ADGRB1: variants seen among roughly 807,000 people sequenced by gnomAD.
The protein encoded by ADGRB1 is brain-specific angiogenesis inhibitor 1.
In ADGRB1, 36 loss-of-function variants were observed where a neutral mutation model predicts 175.7. The observed-to-expected ratio is 0.20, with a 90% CI of 0.16 to 0.27. The LOEUF is 0.27. Ranked by LOEUF, ADGRB1 falls within the 10% of genes least tolerant of loss-of-function variation. ADGRB1 has a pLI of 1.00. For synonymous variants in ADGRB1, 1,054 were observed against 979.4 expected (o/e 1.08, Z -1.42); for missense variants, 1,731 against 2,255.3 (o/e 0.77, Z 4.71).
chr8:142,482,851 C>T (rs1841435594), intron 11 of ADGRB1, among the ~76,000 whole-genome samples: 1 of 150,956 alleles, frequency 6.6e-6, no homozygotes, highest in Non-Finnish European at 1.5e-5. Flanking sequence ...CCTGGTCACG[C>T]ACTGAGCCCC....
At chr8:142,506,019 G>A (rs988411526) in intron 17 of ADGRB1, among the ~76,000 whole-genome samples, 7 of 152,360 alleles carry the variant, frequency 4.6e-5, no homozygotes, top group Non-Finnish European at 1.0e-4. Context: ...CCCTACCTTA[G>A]TGGCGCCTGT....
At chr8:142,534,587 G>A (rs374444759) in intron 25 of ADGRB1, among the ~76,000 whole-genome samples, 2 of 152,218 alleles carry the variant, frequency 1.3e-5, no homozygotes. Flanking sequence ...AAGAGCCAGA[G>A]TTCTGATGTC....
chr8:142,533,395 A>G lies in ADGRB1; in HGVS notation c.3499A>G (p.Ile1167Val). 3 of 1,612,366 alleles carry G rather than the reference A, an allele frequency of 1.9e-6. No homozygotes were observed. Among genetic ancestry groups the G allele is most frequent in the Non-Finnish European group, 2.5e-6 (3 of 1,179,476 alleles). ...VTDRRSALFQ[I>V]LFAVFDSLEG... ...CGACCGCCGCTCCGCCCTCTTCCAG[A>G]TCCTCTTCGCTGTCTTCGACTCGCT... Residue 1167 changes from isoleucine to valine, a missense_variant, in exon 25 of 31, where the codon ATC becomes GTC. By Grantham distance (29) the Ile-to-Val change is conservative. Around this residue, in one of 8 missense-constraint regions of ADGRB1, gnomAD observed 301 missense variants for 488.4 expected, o/e 0.62. Transcript: ENST00000517894.
chr8:142,512,995 T>C (rs917423230), intron 18 of ADGRB1, among the ~76,000 whole-genome samples: 7 of 151,772 alleles, frequency 4.6e-5, no homozygotes, highest in Non-Finnish European at 7.4e-5. Context: ...GGCAGCCAGA[T>C]ACACAGTCCT....
At position 142,542,112 on chromosome 8, in the gene ADGRB1, G is replaced by A. The variant is rs772971707; in HGVS notation, c.3878G>A (p.Arg1293His). The change falls in exon 28 of 31, where the codon CGC (arginine) becomes CAC (histidine). Residue 1293 changes from arginine (R) to histidine (H), a missense_variant. Transcript: ENST00000517894. This position sits in a 1 kb window ranked among gnomAD's most constrained non-coding sequence, Gnocchi z 6.3. ...AAGCTGCACCTGCACGGCTCACCCCGCTATCCCGGCGGGCCCCTGCCCGAC... is the reference window on the plus strand; with the variant it reads ...AAGCTGCACCTGCACGGCTCACCCCACTATCCCGGCGGGCCCCTGCCCGAC... Reference protein sequence around the residue: ...VSKLHLHGSPRYPGGPLPDFP... With the variant: ...VSKLHLHGSPHYPGGPLPDFP... 43 of 1,613,390 alleles carry A rather than the reference G, an allele frequency of 2.7e-5. No homozygotes were observed. The East Asian group carries it at 3.3e-4, about 13-fold the overall frequency.
In ADGRB1 at chr8:142,488,516, C is replaced by T; in HGVS notation, c.2452+9C>T. 1.2e-6 allele frequency: 2 copies of T among 1,610,956 alleles called. No homozygotes were observed. The highest frequency in any genetic ancestry group is 1.7e-6 in the Non-Finnish European group (2 of 1,178,604). On this transcript the variant is annotated intron_variant, in intron 14 of 30. Coordinates refer to ENST00000517894, the MANE Select transcript of ADGRB1 (RefSeq NM_001702.3). ...CTCCACGGGGCTGACAGGTGAGGGG[C>T]CCAGGGAGTGGAGGGGGACCTTCAT...
At position 142,533,379 on chromosome 8, in the gene ADGRB1, C is replaced by T. The variant is rs1844738071; in HGVS notation, c.3483C>T (p.Arg1161=). 1 of 1,610,534 alleles carries T rather than the reference C, an allele frequency of 6.2e-7. No individual in the cohort carries two copies. Among genetic ancestry groups the T allele is most frequent in the African/African-American group, 1.3e-5 (1 of 74,912 alleles). The part of the protein sequence containing the change: ...MSAVLAVTDR[R]SALFQILFAV... ...CTGTGCTCGCCGTCACCGACCGCCG[C>T]TCCGCCCTCTTCCAGATCCTCTTCG... is the stretch of plus-strand genomic sequence containing the variant. Residue 1161 remains arginine (R), a synonymous_variant, in exon 25 of 31, where the codon CGC becomes CGT. Coordinates refer to ENST00000517894, the MANE Select transcript of ADGRB1 (RefSeq NM_001702.3).
chr8:142,479,420 C>A lies in ADGRB1; in HGVS notation c.1659C>A (p.Phe553Leu). 6.5e-7 allele frequency: 1 copy of A among 1,548,846 alleles called. No homozygotes were observed. Among genetic ancestry groups the A allele is most frequent in the Non-Finnish European group, 8.7e-7 (1 of 1,152,452 alleles). The change falls in exon 8 of 31, where the codon TTC becomes TTA. Residue 553 changes from phenylalanine to leucine, a missense_variant. By Grantham distance (22) the Phe-to-Leu change is conservative. This residue lies in a region of ADGRB1 where 388 missense variants were observed against 630.9 expected (regional missense o/e 0.61). Coordinates refer to ENST00000517894, the MANE Select transcript of ADGRB1 (RefSeq NM_001702.3). ...GGGAGCGTGTCTGCTCTGGGCCCTT[C>A]TTCGGGGGAGCAGCCTGCCAGGGCC... ...QRRERVCSGPFFGGAACQGPQ... is the reference protein window; with the variant it reads ...QRRERVCSGPLFGGAACQGPQ...
In ADGRB1 at chr8:142,479,444, C is replaced by G; in HGVS notation, c.1683C>G (p.Gly561=). Residue 561 remains glycine (G), a synonymous_variant, in exon 8 of 31, where the codon GGC becomes GGG. Transcript: ENST00000517894. ...GPFFGGAACQ[G]PQDEYRQCGT... The stretch of plus-strand genomic sequence containing the variant: ...TCTTCGGGGGAGCAGCCTGCCAGGG[C>G]CCCCAGGATGAGTACCGGCAGTGCG... The G allele has an allele frequency of 6.5e-7, 1 of 1,548,626 alleles. No homozygotes were observed. The highest frequency in any genetic ancestry group is 1.4e-5 in the African/African-American group (1 of 71,664).
At chr8:142,539,559 C>T in intron 27 of ADGRB1, 146 bp downstream of exon 27, 1 of 1,035,956 alleles carries the variant, frequency 9.7e-7, no homozygotes, top group Admixed American at 2.1e-5. Context: ...GTCAGGCCCA[C>T]CTGGACCCAG....
Position 142,478,285 on chromosome 8 carries a change from G to A in ADGRB1, c.1486G>A (p.Gly496Arg), listed in dbSNP as rs1287332038. 2 of 1,610,730 alleles carry A rather than the reference G, an allele frequency of 1.2e-6. No individual in the cohort carries two copies. The highest frequency in any genetic ancestry group is 1.7e-6 in the Non-Finnish European group (2 of 1,179,110). Residue 496 changes from glycine (G) to arginine (R), a missense_variant, in exon 7 of 31, where the codon GGG (glycine) becomes AGG (arginine). Gly to Arg is a moderately radical substitution (Grantham distance 125). Transcript: ENST00000517894. ...ACAGCAGCGCACGCGTGAATGCAACGGGCCTTCCTACGGGGGTGCGGAGTG... is the reference window on the plus strand; with the variant it reads ...ACAGCAGCGCACGCGTGAATGCAACAGGCCTTCCTACGGGGGTGCGGAGTG... ...GRQQRTRECN[G>R]PSYGGAECQG...
Position 142,520,901 on chromosome 8 carries a change from C to A in ADGRB1, c.3000C>A (p.Ile1000=), listed in dbSNP as rs545627143. 7 of 1,613,490 alleles carry A rather than the reference C, an allele frequency of 4.3e-6. No homozygotes were observed. Among genetic ancestry groups the A allele is most frequent in the African/African-American group, 1.3e-5 (1 of 75,000 alleles). ...TCTCCTCCAATGCCCTCATCCTCAT[C>A]GGGCAGACCCAGACCCGCAACAAGG... ...SIISSNALIL[I]GQTQTRNKVV... The change falls in exon 20 of 31, where the codon ATC becomes ATA. Residue 1000 remains isoleucine, a synonymous_variant. Transcript: ENST00000517894.
intron 9 of ADGRB1, among the ~76,000 whole-genome samples, chr8:142,480,436 G>A (rs934555188): frequency 2.6e-5 from 4 of 152,134 alleles, no homozygotes; most frequent in Admixed American, 6.5e-5. Context: ...TGTGGGGGAC[G>A]GTGGCAGGGG....
chr8:142,483,883 C>G, intron 11 of ADGRB1, 94 bp from the exon 12 acceptor site: 1 of 1,359,516 alleles, frequency 7.4e-7, no homozygotes, highest in Non-Finnish European at 1.0e-6. Context: ...TCAGCCCTGA[C>G]CCTGGTCACA....
chr8:142,482,023 C>G (rs1841366974), intron 11 of ADGRB1, among the ~76,000 whole-genome samples: 1 of 83,724 alleles, frequency 1.2e-5, no homozygotes. Context: ...CCTGGTCACA[C>G]ACTGAGCCCT....
At position 142,542,056 on chromosome 8, in the gene ADGRB1, C is replaced by A. The variant is rs35770273; in HGVS notation, c.3822C>A (p.Thr1274=). 2,281 of 1,612,724 alleles carry A rather than the reference C, an allele frequency of 1.4e-3. 21 individuals carry two copies. In the African/African-American group the frequency reaches 0.026, roughly 18 times the overall value. The part of the protein sequence containing the change: ...LKLAHAKGPP[T]NFNSLPANVS... ...TGGCCCATGCCAAGGGGCCGCCCAC[C>A]AATTTCAACAGCCTGCCGGCCAACG... Residue 1274 remains threonine, a synonymous_variant, in exon 28 of 31, where the codon ACC becomes ACA. Coordinates refer to ENST00000517894, the MANE Select transcript of ADGRB1 (RefSeq NM_001702.3). The surrounding 1 kb of genome is among the most constrained non-coding windows in gnomAD (Gnocchi z 6.3).
intron 2 of ADGRB1, among the ~76,000 whole-genome samples, chr8:142,473,075 G>A (rs1015971331): frequency 2.0e-5 from 3 of 152,118 alleles, no homozygotes; most frequent in African/African-American, 7.2e-5. Context: ...CCTGAAATGA[G>A]TGGGTGTTTT....
In ADGRB1 at chr8:142,508,626, G is replaced by A. The variant is rs367740550; in HGVS notation, c.2676-2306G>A. Among the ~76,000 whole-genome samples, 21 of 152,324 alleles carry A rather than the reference G, an allele frequency of 1.4e-4. No homozygotes were observed. The East Asian group carries it at 4.1e-3, about 29-fold the overall frequency. Reference sequence around the variant, plus strand: ...TGTGTTGCGGACGCAGAACAGCCTGGGTCCCTGGCCGCCATCGCAGTGGCT... The same window carrying A: ...TGTGTTGCGGACGCAGAACAGCCTGAGTCCCTGGCCGCCATCGCAGTGGCT... On this transcript the variant is annotated intron_variant, in intron 17 of 30. Coordinates refer to ENST00000517894, the MANE Select transcript of ADGRB1 (RefSeq NM_001702.3).
chr8:142,532,586 G>C (rs1844688220), intron 24 of ADGRB1, among the ~76,000 whole-genome samples: 1 of 152,138 alleles, frequency 6.6e-6, no homozygotes, highest in Non-Finnish European at 1.5e-5. Context: ...CAGTCTGTCT[G>C]TTGCCGTCTG....
Sources: gnomAD v4.1 joint callset for allele counts (sites outside exome capture counted in the v4.1 genomes callset) on GRCh38, gnomAD v4.1.1 for gene constraint, gnomAD v4.1.1 regional missense constraint, Gnocchi (gnomAD v3.1) non-coding constraint, MANE v1.5 for transcripts, NCBI Gene and HGNC (gene_info 2026-07-23, HGNC 2026-07-21) for gene names.